RIMBP2: variants seen among roughly 807,000 people sequenced by gnomAD.
RIMBP2 encodes the protein RIMS binding protein 2.
A neutral mutation model predicts 118.6 loss-of-function variants in RIMBP2; 48 were observed. That is an observed-to-expected ratio of 0.40 (90% CI 0.32 to 0.51). The LOEUF is 0.51. Ranked by LOEUF, RIMBP2 falls within the 20% of genes least tolerant of loss-of-function variation. RIMBP2 has a pLI of 0.41. For synonymous variants in RIMBP2, 762 were observed against 742.9 expected, an observed-to-expected ratio of 1.03 and a Z score of -0.42; for missense variants, 1,551 against 1,768.3, an observed-to-expected ratio of 0.88 and a Z score of 2.20.
intron 2 of RIMBP2, among the ~76,000 whole-genome samples, chr12:130,614,570 ACCCAGAGATT>A (rs1227748179): frequency 2.0e-5 from 3 of 152,190 alleles, no homozygotes; most frequent in African/African-American, 7.2e-5. Flanking sequence ...ACAAATTCTG[ACCCAGAGATT>A]CCCAGAAATT....
chr12:130,665,769 G>A (rs1200658756), intron 1 of RIMBP2, among the ~76,000 whole-genome samples: 1 of 150,578 alleles, frequency 6.6e-6, no homozygotes, highest in Non-Finnish European at 1.5e-5. Context: ...CACACACACA[G>A]CTCTAAAGGA....
chr12:130,441,193 G>C (rs1034008781), intron 11 of RIMBP2, among the ~76,000 whole-genome samples: 29 of 152,204 alleles, frequency 1.9e-4, no homozygotes, highest in Non-Finnish European at 3.5e-4. Context: ...ACGAGGTCAA[G>C]AGTTTGAGAC....
At chr12:130,711,833 C>T (rs1475624984) in intron 1 of RIMBP2, among the ~76,000 whole-genome samples, 1 of 152,212 alleles carries the variant, frequency 6.6e-6, no homozygotes, top group Non-Finnish European at 1.5e-5. Context: ...CGTCACTGAG[C>T]GCACCTCACA....
intron 4 of RIMBP2, among the ~76,000 whole-genome samples, chr12:130,501,731 T>C (rs1247253387): frequency 6.6e-6 from 1 of 152,254 alleles, no homozygotes. Flanking sequence ...AGCCTTGCTC[T>C]GCAAGGAGCA....
intron 7 of RIMBP2, among the ~76,000 whole-genome samples, chr12:130,452,979 T>C (rs543336694): frequency 6.6e-6 from 1 of 152,344 alleles, no homozygotes; most frequent in South Asian, 2.1e-4. Flanking sequence ...AAACGTGCAG[T>C]GCCTTCAAAT....
chr12:130,541,044 G>A (rs192999108), intron 2 of RIMBP2, among the ~76,000 whole-genome samples: 86 of 152,156 alleles, frequency 5.7e-4, no homozygotes, highest in Middle Eastern at 3.4e-3. Flanking sequence ...TGCTAACATC[G>A]GCTATCACAG....
In RIMBP2 at chr12:130,622,441, C is replaced by T. The variant is rs1025025678; in HGVS notation, c.-217+5881G>A. ...ACTAGTTATTTTGTACATAAATTCA[C>T]TATTCACTAATTGTACGTATAATTC... On this transcript the variant is annotated intron_variant, in intron 2 of 22. Coordinates refer to ENST00000690449, the MANE Select transcript of RIMBP2 (RefSeq NM_001393629.1). This position sits in a 1 kb window ranked among gnomAD's most constrained non-coding sequence, Gnocchi z 8.5. Among the ~76,000 whole-genome samples, 2 of 152,094 alleles carry T rather than the reference C, an allele frequency of 1.3e-5. No individual in the cohort carries two copies. The highest frequency in any genetic ancestry group is 2.4e-5 in the African/African-American group (1 of 41,420).
At chr12:130,521,942 C>T (rs1055770502) in intron 2 of RIMBP2, among the ~76,000 whole-genome samples, 2 of 152,178 alleles carry the variant, frequency 1.3e-5, no homozygotes, top group African/African-American at 4.8e-5. Context: ...AGTGGATGCC[C>T]TCATGAGACA....
intron 2 of RIMBP2, among the ~76,000 whole-genome samples, chr12:130,528,441 G>A (rs1193856650): frequency 6.6e-6 from 1 of 152,072 alleles, no homozygotes; most frequent in Non-Finnish European, 1.5e-5. Flanking sequence ...CACACACTGG[G>A]GCCTGTTGGA....
rs2058270025 is a variant in RIMBP2, at chr12:130,578,873, G to A, written c.-217+49449C>T. 6.6e-6 allele frequency among the ~76,000 whole-genome samples: 1 copy of A among 152,114 alleles called. No homozygotes were observed. Among genetic ancestry groups the A allele is most frequent in the Non-Finnish European group, 1.5e-5 (1 of 68,042 alleles). Reference sequence around the variant, plus strand: ...ACCAAACATAACTAATGCTCCCAGTGGTGTCTGACACCGTCTTTCATTATT... The same window carrying A: ...ACCAAACATAACTAATGCTCCCAGTAGTGTCTGACACCGTCTTTCATTATT... On this transcript the variant is annotated intron_variant, in intron 2 of 22. Coordinates refer to ENST00000690449, the MANE Select transcript of RIMBP2 (RefSeq NM_001393629.1). This position sits in a 1 kb window ranked among gnomAD's most constrained non-coding sequence, Gnocchi z 4.1.
chr12:130,648,158 A>G (rs541446290), intron 1 of RIMBP2, among the ~76,000 whole-genome samples: 1 of 145,744 alleles, frequency 6.9e-6, no homozygotes, highest in South Asian at 2.1e-4. Context: ...TTCTTTTCTA[A>G]ATTTTCAACA....
chr12:130,524,030 C>T (rs950624322), intron 2 of RIMBP2, among the ~76,000 whole-genome samples: 1 of 152,258 alleles, frequency 6.6e-6, no homozygotes, highest in Non-Finnish European at 1.5e-5. Flanking sequence ...TGGACAGGCC[C>T]CAGCAAGATG....
chr12:130,464,108 A>AT (rs2080246689), intron 6 of RIMBP2, among the ~76,000 whole-genome samples: 2 of 151,838 alleles, frequency 1.3e-5, no homozygotes, highest in African/African-American at 4.8e-5. Flanking sequence ...TGAACAATCT[A>AT]CCCCTTTTCA....
chr12:130,432,270 C>A (rs1036943860), intron 14 of RIMBP2: 2 of 456,490 alleles, frequency 4.4e-6, no homozygotes, highest in East Asian at 7.0e-5. Context: ...TGTTAGGAGA[C>A]CATCTGCGTA....
rs577618219 is a variant in RIMBP2, at chr12:130,447,859, C to T, written c.581+2341G>A. 4.6e-5 allele frequency among the ~76,000 whole-genome samples: 7 copies of T among 152,264 alleles called. No homozygotes were observed. The highest frequency in any genetic ancestry group is 1.7e-4 in the African/African-American group (7 of 41,564). On this transcript the variant is annotated intron_variant, in intron 9 of 22. Coordinates refer to ENST00000690449, the MANE Select transcript of RIMBP2 (RefSeq NM_001393629.1). The surrounding 1 kb of genome is among the most constrained non-coding windows in gnomAD (Gnocchi z 4.4). ...CCCTGCATGGAGGGCGGGGAGAGGCCGCTCGGCACCCAGAGTGAGCGCCCA... is the reference window on the plus strand; with the variant it reads ...CCCTGCATGGAGGGCGGGGAGAGGCTGCTCGGCACCCAGAGTGAGCGCCCA...
Position 130,438,511 on chromosome 12 carries a change from G to A in RIMBP2, c.1510C>T (p.Pro504Ser). ...ACGGTAACATCTTGTGGGGGTGCTGGGGGTCCTGGGAGGGGACAGAAGGGA... is the reference window on the plus strand; with the variant it reads ...ACGGTAACATCTTGTGGGGGTGCTGAGGGTCCTGGGAGGGGACAGAAGGGA... ...VEFSTLPAGP[P>S]APPQDVTVQA... Residue 504 changes from proline (P) to serine (S), a missense_variant, in exon 12 of 23, where the codon CCA (proline) becomes TCA (serine). Pro to Ser is a moderately conservative substitution (Grantham distance 74, BLOSUM62 -1). Coordinates refer to ENST00000690449, the MANE Select transcript of RIMBP2 (RefSeq NM_001393629.1). The A allele has an allele frequency of 6.2e-7, 1 of 1,601,268 alleles. No homozygotes were observed. The highest frequency in any genetic ancestry group is 8.5e-7 in the Non-Finnish European group (1 of 1,173,196).
Position 130,706,449 on chromosome 12 carries a change from C to T in RIMBP2, c.-352+9773G>A, listed in dbSNP as rs555549588. On this transcript the variant is annotated intron_variant, in intron 1 of 22. Coordinates refer to ENST00000690449, the MANE Select transcript of RIMBP2 (RefSeq NM_001393629.1). ...AGATCGGGGCCTGCCAGCCTGGCTC[C>T]AGACTCTGCCCTGTGACTGTGGCTA... Among the ~76,000 whole-genome samples, 3 of 152,376 alleles carry T rather than the reference C, an allele frequency of 2.0e-5. No homozygotes were observed. In the South Asian group the frequency reaches 6.2e-4, roughly 32 times the overall value.
rs911143020 is a variant in RIMBP2, at chr12:130,688,702, C to T, written c.-352+27520G>A. 2.0e-5 allele frequency among the ~76,000 whole-genome samples: 3 copies of T among 152,226 alleles called. No homozygotes were observed. The highest frequency in any genetic ancestry group is 4.4e-5 in the Non-Finnish European group (3 of 68,042). ...GTACAGGCAGGGGGACACTAAAACC[C>T]CACATTCTAAAGACCCCAAAACAGA... On this transcript the variant is annotated intron_variant, in intron 1 of 22. Coordinates refer to ENST00000690449, the MANE Select transcript of RIMBP2 (RefSeq NM_001393629.1). This position sits in a 1 kb window ranked among gnomAD's most constrained non-coding sequence, Gnocchi z 4.7.
At chr12:130,501,705 G>A (rs1157621122) in intron 4 of RIMBP2, among the ~76,000 whole-genome samples, 3 of 152,206 alleles carry the variant, frequency 2.0e-5, no homozygotes, top group African/African-American at 7.2e-5. Context: ...AACTCTAGGC[G>A]CACAGCCTGT....
Sources: allele counts gnomAD v4.1 joint callset (sites outside exome capture counted in the v4.1 genomes callset), GRCh38; gene constraint gnomAD v4.1.1; non-coding constraint Gnocchi (gnomAD v3.1); transcripts MANE v1.5; gene names NCBI Gene and HGNC (gene_info 2026-07-23, HGNC 2026-07-21).